Variants in OPCML observed in about 807,000 individuals in gnomAD.
OPCML encodes opioid binding protein/cell adhesion molecule like.
OPCML carries 13 observed loss-of-function variants against 37.8 expected under a neutral mutation model. The ratio of observed to expected loss-of-function variants is 0.34; its 90% CI spans 0.22 to 0.55. The LOEUF is 0.55. Among genes scored for constraint, OPCML ranks in the 20% least tolerant of loss-of-function variants. The pLI is 0.91. For synonymous variants in OPCML, 176 were observed against 168.8 expected, an observed-to-expected ratio of 1.04 and a Z score of -0.33; for missense variants, 341 against 435.6, an observed-to-expected ratio of 0.78 and a Z score of 1.93.
chr11:132,872,227 A>T (rs1211388922), intron 2 of OPCML, among the ~76,000 whole-genome samples: 1 of 152,216 alleles, frequency 6.6e-6, no homozygotes, highest in African/African-American at 2.4e-5. Flanking sequence ...AAAGATATTC[A>T]GAAGAATATA....
intron 4 of OPCML, among the ~76,000 whole-genome samples, chr11:132,488,033 C>A (rs929736088): frequency 1.3e-5 from 2 of 152,214 alleles, no homozygotes; most frequent in Non-Finnish European, 2.9e-5. Context: ...TTTGCAGCCA[C>A]AGCTCCTGCC....
chr11:132,777,048 G>A (rs1432185001), intron 2 of OPCML, among the ~76,000 whole-genome samples: 1 of 152,136 alleles, frequency 6.6e-6, no homozygotes, highest in African/African-American at 2.4e-5. Flanking sequence ...CCTTCTCCAT[G>A]CACCATCACC....
chr11:133,226,067 T>C (rs1188202419), intron 1 of OPCML, among the ~76,000 whole-genome samples: 1 of 152,258 alleles, frequency 6.6e-6, no homozygotes, highest in East Asian at 1.9e-4. Context: ...AGAGCTGGGA[T>C]TTGAAATTTC....
intron 1 of OPCML, among the ~76,000 whole-genome samples, chr11:133,304,584 A>G (rs1269787448): frequency 6.6e-6 from 1 of 152,180 alleles, no homozygotes; most frequent in Non-Finnish European, 1.5e-5. Context: ...CCCAAGTGCT[A>G]AGGTTACAGA....
At chr11:132,989,313 A>G (rs976390889) in intron 1 of OPCML, among the ~76,000 whole-genome samples, 2 of 152,210 alleles carry the variant, frequency 1.3e-5, no homozygotes, top group Non-Finnish European at 2.9e-5. Context: ...ACGCAAATGA[A>G]CCACAGCACT....
chr11:133,242,377 C>T (rs945400617), intron 1 of OPCML, among the ~76,000 whole-genome samples: 2 of 152,216 alleles, frequency 1.3e-5, no homozygotes, highest in African/African-American at 4.8e-5. Context: ...TCTGCTCGGG[C>T]TGCTGAAACA....
intron 3 of OPCML, among the ~76,000 whole-genome samples, chr11:132,565,794 A>G (rs542281103): frequency 6.6e-6 from 1 of 152,314 alleles, no homozygotes; most frequent in Non-Finnish European, 1.5e-5. Context: ...GCATTTTGGG[A>G]GGCTGGGGCA....
At chr11:132,693,169 A>G (rs1401220914) in intron 2 of OPCML, among the ~76,000 whole-genome samples, 1 of 152,210 alleles carries the variant, frequency 6.6e-6, no homozygotes, top group Non-Finnish European at 1.5e-5. Flanking sequence ...CTTAATGCAC[A>G]GTACAAGAGC....
intron 1 of OPCML, among the ~76,000 whole-genome samples, chr11:133,102,866 C>T (rs1437768615): frequency 6.6e-6 from 1 of 152,160 alleles, no homozygotes; most frequent in Non-Finnish European, 1.5e-5. Flanking sequence ...TGAGATCTCT[C>T]TAAATGAGAT....
At chr11:132,654,175 C>G (rs972016398) in intron 3 of OPCML, among the ~76,000 whole-genome samples, 2 of 152,208 alleles carry the variant, frequency 1.3e-5, no homozygotes, top group African/African-American at 4.8e-5. Context: ...TACATCCACC[C>G]TCTGGTAATT....
chr11:132,578,230 G>A (rs1010148747), intron 3 of OPCML, among the ~76,000 whole-genome samples: 8 of 152,156 alleles, frequency 5.3e-5, no homozygotes, highest in African/African-American at 1.9e-4. Flanking sequence ...TCTGTTTACA[G>A]GTGCAATTAG....
In OPCML at chr11:132,766,983, G is replaced by C. The variant is rs140439690; in HGVS notation, c.147-109664C>G. Among the ~76,000 whole-genome samples the C allele has an allele frequency of 2.2e-3, 335 of 152,228 alleles. 2 individuals carry two copies. The highest frequency in any genetic ancestry group is 7.6e-3 in the African/African-American group (317 of 41,552). On this transcript the variant is annotated intron_variant, in intron 2 of 7. Coordinates refer to ENST00000524381, the MANE Select transcript of OPCML (RefSeq NM_001012393.5). The stretch of plus-strand genomic sequence containing the variant: ...GATGTTTGCAGCTATATCTGAAATG[G>C]TCAGAAAAATATTGATTCACACAGA...
intron 2 of OPCML, among the ~76,000 whole-genome samples, chr11:132,843,545 C>T (rs765979321): frequency 1.5e-4 from 22 of 151,382 alleles, no homozygotes; most frequent in Non-Finnish European, 2.2e-4. Context: ...TTATTTTAGA[C>T]GCATGTGTGT....
intron 3 of OPCML, among the ~76,000 whole-genome samples, chr11:132,646,440 A>C (rs1338210681): frequency 6.6e-6 from 1 of 152,214 alleles, no homozygotes; most frequent in Non-Finnish European, 1.5e-5. Context: ...ATCCATTAAA[A>C]TACAAGTGGG....
chr11:133,200,082 C>A (rs1434135091), intron 1 of OPCML, among the ~76,000 whole-genome samples: 9 of 152,218 alleles, frequency 5.9e-5, no homozygotes, highest in African/African-American at 2.2e-4. Context: ...AGCACCATTT[C>A]CCCCACCCCT....
intron 1 of OPCML, among the ~76,000 whole-genome samples, chr11:133,140,186 C>CAATAATAAT (rs59577218): frequency 0.1 from 12,495 of 124,518 alleles, 717 homozygotes; most frequent in East Asian, 0.15. Context: ...GACTCCGTCT[C>CAATAATAAT]AATAATAATA....
At chr11:133,314,567 AAAAAG>A (rs1407513764) in intron 1 of OPCML, among the ~76,000 whole-genome samples, 26 of 151,938 alleles carry the variant, frequency 1.7e-4, no homozygotes, top group African/African-American at 6.0e-4. Flanking sequence ...GAAAAAAAAA[AAAAAG>A]AAAGAAAAGA....
At chr11:133,376,352 C>A (rs775580959) in intron 1 of OPCML, among the ~76,000 whole-genome samples, 2 of 151,792 alleles carry the variant, frequency 1.3e-5, no homozygotes, top group African/African-American at 2.4e-5. Flanking sequence ...AAGCAAATAC[C>A]CAATGACACA....
chr11:133,436,213 C>CA (rs1237329737), intron 1 of OPCML, among the ~76,000 whole-genome samples: 1 of 151,842 alleles, frequency 6.6e-6, no homozygotes, highest in Non-Finnish European at 1.5e-5. Flanking sequence ...TTGTCCCTTT[C>CA]AAAAAAAGAA....
Sources: allele counts gnomAD v4.1 joint callset (sites outside exome capture counted in the v4.1 genomes callset), GRCh38; gene constraint gnomAD v4.1.1; transcripts MANE v1.5; gene names NCBI Gene and HGNC (gene_info 2026-07-23, HGNC 2026-07-21).